The following UCN3 variants were observed in gnomAD, a reference collection of about 807,000 sequenced individuals.
The protein encoded by UCN3 is urocortin 3.
UCN3 carries 3 observed loss-of-function variants against 3.6 expected under a neutral mutation model. The ratio of observed to expected loss-of-function variants is 0.83; its 90% CI spans 0.38 to 2.15. UCN3 has a LOEUF of 2.15. Ranked by LOEUF, UCN3 falls within the 30% of genes most tolerant of loss-of-function variation. UCN3 has a pLI of 0.06. For synonymous variants in UCN3, 100 were observed against 93.2 expected (o/e 1.07, Z -0.42); for missense variants, 206 against 208.3 (o/e 0.99, Z 0.07).
rs1009993139 is a variant in UCN3 at position 5,367,952 on chromosome 10, G to C, written c.-7+2722G>C. On this transcript the variant is annotated intron_variant, in intron 1 of 1. Transcript: ENST00000380433. The surrounding 1 kb of genome is among the most constrained non-coding windows in gnomAD (Gnocchi z 4.3). ...GAGAGAGCCATGTGGAACCCACAGA[G>C]GGAGGCCTGAGGGTAGCTCCAGGGT... is the stretch of plus-strand genomic sequence containing the variant. Among the ~76,000 whole-genome samples, 4 of 152,096 alleles carry C rather than the reference G, an allele frequency of 2.6e-5. No individual in the cohort carries two copies. The highest frequency in any genetic ancestry group is 6.5e-5 in the Admixed American group (1 of 15,270).
intron 1 of UCN3, among the ~76,000 whole-genome samples, chr10:5,370,742 GTGTA>G (rs1831391880): frequency 1.6e-5 from 2 of 126,440 alleles, no homozygotes; most frequent in Non-Finnish European, 1.6e-5. Flanking sequence ...GTATATGTGT[GTGTA>G]TATGATGTGT....
chr10:5,370,920 C>CGTGTGTATAT (rs1228555166), intron 1 of UCN3, among the ~76,000 whole-genome samples: 2 of 109,846 alleles, frequency 1.8e-5, no homozygotes, highest in South Asian at 3.6e-4. Flanking sequence ...TGTGTATATG[C>CGTGTGTATAT]GTGTGTATAT....
At position 5,365,277 on chromosome 10, in the gene UCN3, C is replaced by T. The variant is rs1403868386; in HGVS notation, c.-7+47C>T. On this transcript the variant is annotated intron_variant, in intron 1 of 1. Transcript: ENST00000380433. This position sits in a 1 kb window ranked among gnomAD's most constrained non-coding sequence, Gnocchi z 4.4. ...ACTTATGAAGGGTAAATGTATCTGC[C>T]CTAATTTAAGCAGGAGGTGCCATGC... The T allele has an allele frequency of 6.6e-6, 1 of 152,188 alleles. No individual in the cohort carries two copies. Among genetic ancestry groups the T allele is most frequent in the African/African-American group, 2.4e-5 (1 of 41,414 alleles). The allele number at this position is 152,188 out of a possible 1,614,324, so 9.4% of individuals were successfully genotyped here. A position where few individuals can be genotyped will look rare whatever the true frequency, so the allele number is the denominator to read the frequency against.
chr10:5,368,052 G>C (rs568551882), intron 1 of UCN3, among the ~76,000 whole-genome samples: 15 of 152,090 alleles, frequency 9.9e-5, no homozygotes, highest in African/African-American at 3.6e-4. Flanking sequence ...CACCCAGGAT[G>C]GAGTGCAGTA....
chr10:5,370,573 G>A lies in UCN3; in HGVS notation c.-6-3142G>A, dbSNP rs1246795854. ...TGTGTGTATATGTGTGTGTATATGC[G>A]TGTATATGTGTGTATATGTGTGTGT... is the stretch of plus-strand genomic sequence containing the variant. On this transcript the variant is annotated intron_variant, in intron 1 of 1. Coordinates refer to ENST00000380433, the MANE Select transcript of UCN3 (RefSeq NM_053049.4). Among the ~76,000 whole-genome samples the A allele has an allele frequency of 7.9e-5, 7 of 88,502 alleles. 1 individual carries two copies. The highest frequency in any genetic ancestry group is 1.6e-4 in the Non-Finnish European group (7 of 44,806). The allele number at this position is 88,502 out of a possible 152,430, so 58.1% of individuals were successfully genotyped here. A position where few individuals can be genotyped will look rare whatever the true frequency, so the allele number is the denominator to read the frequency against.
chr10:5,370,481 A>ATGCG (rs1302054932), intron 1 of UCN3, among the ~76,000 whole-genome samples: 6 of 21,720 alleles, frequency 2.8e-4, no homozygotes, highest in African/African-American at 1.2e-3. Context: ...GCGTGTGTAT[A>ATGCG]TGTGTGTATG....
rs1554811822 is a variant in UCN3 at position 5,374,169 on chromosome 10, A to G, written c.449A>G (p.Asn150Ser). 2.5e-6 allele frequency: 4 copies of G among 1,608,076 alleles called. No homozygotes were observed. The highest frequency in any genetic ancestry group is 3.3e-5 in the Admixed American group (2 of 59,702). Residue 150 changes from asparagine to serine, a missense_variant, in exon 2 of 2, where the codon AAT becomes AGT. Asn to Ser is a conservative substitution (Grantham distance 46). Coordinates refer to ENST00000380433, the MANE Select transcript of UCN3 (RefSeq NM_053049.4). ...AKNLRAQAAA[N>S]AHLMAQIGRK... ...AACCTGCGTGCCCAGGCGGCCGCCA[A>G]TGCCCACCTGATGGCGCAAATTGGG...
chr10:5,369,189 TACA>T (rs1554810969), intron 1 of UCN3, among the ~76,000 whole-genome samples: 2 of 152,198 alleles, frequency 1.3e-5, no homozygotes, highest in Non-Finnish European at 2.9e-5. Context: ...AGAGATACGA[TACA>T]ACAAGGACAT....
At chr10:5,368,605 C>T (rs1449194294) in intron 1 of UCN3, among the ~76,000 whole-genome samples, 1 of 152,154 alleles carries the variant, frequency 6.6e-6, no homozygotes, top group East Asian at 1.9e-4. Context: ...AGTTTCTCCA[C>T]CACTTTCCCC....
rs141587561 is a variant in UCN3 at position 5,370,065 on chromosome 10, A to G, written c.-6-3650A>G. On this transcript the variant is annotated intron_variant, in intron 1 of 1. Transcript: ENST00000380433. Reference sequence around the variant, plus strand: ...TATATGCGTGTGTATGTGTGTGTATATGTGTGTATATGCGTGTGTATATGC... The same window carrying G: ...TATATGCGTGTGTATGTGTGTGTATGTGTGTGTATATGCGTGTGTATATGC... Among the ~76,000 whole-genome samples the G allele has an allele frequency of 6.0e-3, 142 of 23,578 alleles. 1 individual carries two copies. Among genetic ancestry groups the G allele is most frequent in the African/African-American group, 0.01 (53 of 5,244 alleles). The allele number at this position is 23,578 out of a possible 152,430, so 15.5% of individuals were successfully genotyped here.
chr10:5,366,906 G>A lies in UCN3; in HGVS notation c.-7+1676G>A, dbSNP rs1834122470. On this transcript the variant is annotated intron_variant, in intron 1 of 1. Coordinates refer to ENST00000380433, the MANE Select transcript of UCN3 (RefSeq NM_053049.4). The surrounding 1 kb of genome is among the most constrained non-coding windows in gnomAD (Gnocchi z 4.2). Reference sequence around the variant, plus strand: ...GCACCAAGAACAGAGCGCCACGCAGGACACTTGCTCCCTGACACTTTCACA... The same window carrying A: ...GCACCAAGAACAGAGCGCCACGCAGAACACTTGCTCCCTGACACTTTCACA... Among the ~76,000 whole-genome samples, 1 of 152,178 alleles carries A rather than the reference G, an allele frequency of 6.6e-6. No homozygotes were observed. The highest frequency in any genetic ancestry group is 1.5e-5 in the Non-Finnish European group (1 of 68,036).
In UCN3 at chr10:5,367,088, AG is replaced by A. The variant is rs1483636287; in HGVS notation, c.-7+1861del. Among the ~76,000 whole-genome samples, 1 of 152,210 alleles carries A rather than the reference AG, an allele frequency of 6.6e-6. No homozygotes were observed. The highest frequency in any genetic ancestry group is 2.4e-5 in the African/African-American group (1 of 41,450). ...GTGAAAAAGTAAATATAGAGGTAAA[AG>A]GGATCTCACTCCCTCTCCCCAATGC... is the stretch of plus-strand genomic sequence containing the variant. On this transcript the variant is annotated intron_variant, in intron 1 of 1. Transcript: ENST00000380433. This position sits in a 1 kb window ranked among gnomAD's most constrained non-coding sequence, Gnocchi z 4.3.
At chr10:5,372,152 G>A (rs1831437240) in intron 1 of UCN3, among the ~76,000 whole-genome samples, 1 of 152,214 alleles carries the variant, frequency 6.6e-6, no homozygotes, top group South Asian at 2.1e-4. Flanking sequence ...ATAAATAAAC[G>A]TGATGTCCTT....
chr10:5,372,847 G>A (rs1292779948), intron 1 of UCN3, among the ~76,000 whole-genome samples: 1 of 151,430 alleles, frequency 6.6e-6, no homozygotes, highest in Admixed American at 6.6e-5. Context: ...GAGCCACCGT[G>A]CCTGGCCAGT....
intron 1 of UCN3, among the ~76,000 whole-genome samples, chr10:5,371,983 G>C (rs1421298017): frequency 3.9e-5 from 6 of 152,188 alleles, no homozygotes; most frequent in African/African-American, 1.2e-4. Flanking sequence ...GGATAGCCCA[G>C]GGGATGGTTC....
intron 1 of UCN3, among the ~76,000 whole-genome samples, chr10:5,370,651 GTGTATGTGTGTGTA>G (rs1180968208): frequency 1.2e-4 from 9 of 75,382 alleles, no homozygotes; most frequent in African/African-American, 5.7e-4. Flanking sequence ...GTATATGTGT[GTGTATGTGTGTGTA>G]TGTGTGTGTA....
chr10:5,368,375 T>A (rs527892386), intron 1 of UCN3, among the ~76,000 whole-genome samples: 1 of 152,150 alleles, frequency 6.6e-6, no homozygotes, highest in Non-Finnish European at 1.5e-5. Context: ...CAAGAACTCA[T>A]TTCATTCTCC....
chr10:5,370,850 C>CGTGTGTGTGTGCGCGTGTGTGT (rs1554811415), intron 1 of UCN3, among the ~76,000 whole-genome samples: 4 of 63,650 alleles, frequency 6.3e-5, no homozygotes, highest in Non-Finnish European at 1.2e-4. Context: ...CGTGTGTGTG[C>CGTGTGTGTGTGCGCGTGTGTGT]GCGTGTGTGT....
Position 5,374,246 on chromosome 10 carries a change from G to C in UCN3, c.*40G>C, listed in dbSNP as rs549302017. ...CGGGAGGGCAGCGGGGTGGGGAGGG[G>C]GAGGGGAGGGGGAGGGGAGGGCGAG... On this transcript the variant is annotated 3_prime_UTR_variant, in exon 2 of 2. Transcript: ENST00000380433. 1.9e-6 allele frequency: 1 copy of C among 533,092 alleles called. No individual in the cohort carries two copies. The highest frequency in any genetic ancestry group is 3.3e-6 in the Non-Finnish European group (1 of 301,018). The allele number at this position is 533,092 out of a possible 1,614,324, so 33.0% of individuals were successfully genotyped here.
Sources: gnomAD v4.1 joint callset for allele counts (sites outside exome capture counted in the v4.1 genomes callset) on GRCh38, gnomAD v4.1.1 for gene constraint, Gnocchi (gnomAD v3.1) non-coding constraint, MANE v1.5 for transcripts, NCBI Gene and HGNC (gene_info 2026-07-23, HGNC 2026-07-21) for gene names.